CTNNA2: variants seen among roughly 807,000 people sequenced by gnomAD.
CTNNA2 encodes the protein catenin alpha 2.
A neutral mutation model predicts 101.0 loss-of-function variants in CTNNA2; 42 were observed. The observed-to-expected ratio is 0.42, with a 90% confidence interval of 0.32 to 0.54. The LOEUF (loss-of-function observed/expected upper bound fraction) is 0.54. CTNNA2 is among the 20% of genes least tolerant of loss of function. The pLI, the probability that CTNNA2 is intolerant of heterozygous loss-of-function variation, is 0.14. For synonymous variants in CTNNA2, 450 were observed against 456.4 expected (o/e 0.99, Z 0.18); for missense variants, 871 against 1,223.1 (o/e 0.71, Z 4.29).
chr2:80,171,112 T>C (rs1323991678), intron 7 of CTNNA2, among the ~76,000 whole-genome samples: 1 of 152,244 alleles, frequency 6.6e-6, no homozygotes, highest in Non-Finnish European at 1.5e-5. Context: ...CATTTGTGTT[T>C]GCTTTTTTGC....
chr2:80,201,367 CTTTTTTTTTT>C (rs60448795), intron 7 of CTNNA2, among the ~76,000 whole-genome samples: 1 of 80,732 alleles, frequency 1.2e-5, no homozygotes, highest in Admixed American at 1.6e-4. Context: ...CTTTTTCTTT[CTTTTTTTTTT>C]TTTTTTTTTT....
chr2:79,891,626 T>C (rs1327066826), intron 6 of CTNNA2, among the ~76,000 whole-genome samples: 1 of 152,166 alleles, frequency 6.6e-6, no homozygotes, highest in African/African-American at 2.4e-5. Flanking sequence ...GGCCAGTGGA[T>C]GCATGCTGTT....
At chr2:79,545,701 T>C (rs1057494064) in intron 1 of CTNNA2, among the ~76,000 whole-genome samples, 4 of 152,198 alleles carry the variant, frequency 2.6e-5, no homozygotes, top group African/African-American at 9.6e-5. Flanking sequence ...GTGTCAGTGA[T>C]TTCCCAGGTT....
chr2:79,626,619 ATGTGTGTGTG>A (rs71867416), intron 1 of CTNNA2, among the ~76,000 whole-genome samples: 63 of 142,392 alleles, frequency 4.4e-4, no homozygotes, highest in African/African-American at 1.1e-3. Context: ...GTGTGTGTGT[ATGTGTGTGTG>A]TGTGTGTGTG....
At chr2:80,278,190 C>T (rs1186008899) in intron 7 of CTNNA2, among the ~76,000 whole-genome samples, 2 of 152,116 alleles carry the variant, frequency 1.3e-5, no homozygotes, top group Non-Finnish European at 2.9e-5. Flanking sequence ...AGGCAAAGCA[C>T]TTAAGACAGC....
At chr2:79,202,193 T>C (rs1204844202) in intron 2 of CTNNA2, among the ~76,000 whole-genome samples, 1 of 152,192 alleles carries the variant, frequency 6.6e-6, no homozygotes, top group Non-Finnish European at 1.5e-5. Flanking sequence ...CTGAATAGAA[T>C]GGGAAGCAGG....
chr2:79,901,949 A>T (rs569921922), intron 6 of CTNNA2, among the ~76,000 whole-genome samples: 3 of 152,372 alleles, frequency 2.0e-5, no homozygotes, highest in African/African-American at 7.2e-5. Flanking sequence ...TCCTAGCCAA[A>T]GAAAGACTGA....
At chr2:79,723,045 AAATATTGC>A (rs1258257298) in intron 2 of CTNNA2, among the ~76,000 whole-genome samples, 3 of 152,228 alleles carry the variant, frequency 2.0e-5, no homozygotes, top group South Asian at 4.1e-4. Context: ...GAGTAAGAGA[AAATATTGC>A]AAGATTTATA....
intron 4 of CTNNA2, chr2:79,494,003 A>G (rs1168469927): frequency 6.6e-6 from 1 of 152,182 alleles, no homozygotes; most frequent in African/African-American, 2.4e-5. Context: ...TATAGAGAAA[A>G]CAATTGTATT....
At chr2:80,402,832 CTTA>C (rs1479927639) in intron 8 of CTNNA2, among the ~76,000 whole-genome samples, 3 of 147,588 alleles carry the variant, frequency 2.0e-5, no homozygotes, top group African/African-American at 4.9e-5. Context: ...TTATATATTT[CTTA>C]TTATTTCACA....
At chr2:79,508,279 T>G (rs1204838904), upstream of CTNNA2, among the ~76,000 whole-genome samples, 1 of 152,188 alleles carries the variant, frequency 6.6e-6, no homozygotes, top group African/African-American at 2.4e-5. Context: ...GCTCAAAACT[T>G]AAATTGGACT....
chr2:79,880,704 CTCTTTTCT>C lies in CTNNA2; in HGVS notation c.852+6368_852+6375del, dbSNP rs546260384. ...TTTATTGTGCCTATTTGATTCTTCT[CTCTTTTCT>C]TCTTTATTGGTCTAGTTAGTGGTTT... On this transcript the variant is annotated intron_variant, in intron 6 of 18. Transcript: ENST00000402739. Among the ~76,000 whole-genome samples the C allele has an allele frequency of 8.9e-4, 110 of 123,160 alleles. No homozygotes were observed. In the East Asian group the frequency reaches 0.029, roughly 33 times the overall value. 80.8% of individuals were successfully genotyped at this position (123,160 alleles called of 152,430 possible).
At chr2:80,486,979 T>C (rs556993602) in intron 9 of CTNNA2, among the ~76,000 whole-genome samples, 1 of 152,278 alleles carries the variant, frequency 6.6e-6, no homozygotes, top group South Asian at 2.1e-4. Context: ...CTCTGACATA[T>C]TGCTTTTAAA....
intron 2 of CTNNA2, among the ~76,000 whole-genome samples, chr2:79,723,629 G>A (rs1056097568): frequency 6.6e-6 from 1 of 152,086 alleles, no homozygotes; most frequent in Non-Finnish European, 1.5e-5. Context: ...AAGCATAATC[G>A]AATCAGTAAG....
intron 7 of CTNNA2, among the ~76,000 whole-genome samples, chr2:80,284,451 GC>G (rs1674599785): frequency 6.6e-6 from 1 of 152,086 alleles, no homozygotes; most frequent in African/African-American, 2.4e-5. Flanking sequence ...AGAAGTGGTG[GC>G]CTTTTCTCTC....
intron 2 of CTNNA2, among the ~76,000 whole-genome samples, chr2:79,267,404 A>T (rs1675000375): frequency 6.6e-6 from 1 of 152,146 alleles, no homozygotes; most frequent in South Asian, 2.1e-4. Flanking sequence ...GCAGCAGGGC[A>T]TGACAGCTCT....
At chr2:79,522,214 C>T (rs979254450) in intron 1 of CTNNA2, among the ~76,000 whole-genome samples, 1 of 152,220 alleles carries the variant, frequency 6.6e-6, no homozygotes, top group Non-Finnish European at 1.5e-5. Flanking sequence ...GCTGGGCCCA[C>T]AGTAATTCCT....
At chr2:79,468,898 A>G (rs1373491484) in intron 4 of CTNNA2, among the ~76,000 whole-genome samples, 1 of 152,224 alleles carries the variant, frequency 6.6e-6, no homozygotes, top group Non-Finnish European at 1.5e-5. Context: ...AGGGAAATTT[A>G]TAGCACTAAA....
In CTNNA2 at chr2:79,185,700, C is replaced by T. The variant is rs115054240; in HGVS notation, c.-524+269C>T. ...AAATACTAGAGAATGCTTATAATGA[C>T]ACAATGTCTGACACAGAAGAGTATT... is the stretch of plus-strand genomic sequence containing the variant. On this transcript the variant is annotated intron_variant, in intron 1 of 21. Transcript: ENST00000466387. Among the ~76,000 whole-genome samples the T allele has an allele frequency of 3.3e-3, 501 of 152,180 alleles. 2 individuals carry two copies. The highest frequency in any genetic ancestry group is 0.012 in the African/African-American group (489 of 41,520).
Sources: allele counts gnomAD v4.1 joint callset (sites outside exome capture counted in the v4.1 genomes callset), GRCh38; gene constraint gnomAD v4.1.1; transcripts MANE v1.5; gene names NCBI Gene and HGNC (gene_info 2026-07-23, HGNC 2026-07-21).